UGT2B17: variants seen among roughly 807,000 people sequenced by gnomAD.
UGT2B17 encodes UDP glucuronosyltransferase family 2 member B17, also known as UDP-glucuronosyltransferase 2B17.
UGT2B17 carries 21 observed loss-of-function variants against 48.2 expected under a neutral mutation model. That is an observed-to-expected ratio of 0.44 (90% CI 0.31 to 0.63). The LOEUF (loss-of-function observed/expected upper bound fraction) is 0.63, where lower values mean the gene tolerates loss of function less well. Among genes scored for constraint, UGT2B17 ranks in the 20% least tolerant of loss-of-function variants. UGT2B17 has a pLI of 0.08. For synonymous variants in UGT2B17, 146 were observed against 238.4 expected, an observed-to-expected ratio of 0.61 and a Z score of 3.57; for missense variants, 402 against 696.1, an observed-to-expected ratio of 0.58 and a Z score of 4.75.
chr4:68,566,141 G>T (rs1731198099), intron 2 of UGT2B17, among the ~76,000 whole-genome samples: 2 of 114,656 alleles, frequency 1.7e-5, no homozygotes, highest in South Asian at 4.0e-4. Flanking sequence ...ATATTTAATA[G>T]TTTTAATTTA....
At position 68,561,760 on chromosome 4, in the gene UGT2B17, C is replaced by T. The variant is rs531735682; in HGVS notation, c.874-1092G>A. On this transcript the variant is annotated intron_variant, in intron 3 of 6. Coordinates refer to ENST00000317746, the MANE Select transcript of UGT2B17 (RefSeq NM_001077.4). ...TTAAACTTAAATCCATTCTCTAATG[C>T]CACATCAGTCAATGTATTCTCACAC... is the stretch of plus-strand genomic sequence containing the variant. Among the ~76,000 whole-genome samples, 3 of 115,520 alleles carry T rather than the reference C, an allele frequency of 2.6e-5. 1 individual carries two copies. In the Admixed American group the frequency reaches 2.7e-4, roughly 11 times the overall value. 75.8% of individuals were successfully genotyped at this position (115,520 alleles called of 152,430 possible).
At chr4:68,563,025 GT>G (rs1202510702) in intron 3 of UGT2B17, among the ~76,000 whole-genome samples, 1 of 126,294 alleles carries the variant, frequency 7.9e-6, no homozygotes, top group Non-Finnish European at 1.7e-5. Context: ...TATTTCCAGA[GT>G]TTTTTAACGA....
At position 68,561,564 on chromosome 4, in the gene UGT2B17, C is replaced by G. The variant is rs1252144912; in HGVS notation, c.874-896G>C. The stretch of plus-strand genomic sequence containing the variant: ...CTCATCCTCACTTTGCTGTGTCTCA[C>G]AGGGGGCACTTGAACCACAGTGGGA... On this transcript the variant is annotated intron_variant, in intron 3 of 6. Coordinates refer to ENST00000317746, the MANE Select transcript of UGT2B17 (RefSeq NM_001077.4). Among the ~76,000 whole-genome samples, 2 of 123,878 alleles carry G rather than the reference C, an allele frequency of 1.6e-5. 1 individual carries two copies. Among genetic ancestry groups the G allele is most frequent in the Non-Finnish European group, 3.4e-5 (2 of 58,988 alleles). The allele number at this position is 123,878 out of a possible 152,430, so 81.3% of individuals were successfully genotyped here. A position where few individuals can be genotyped will look rare whatever the true frequency, so the allele number is the denominator to read the frequency against.
At chr4:68,551,508 A>G (rs1281802610) in intron 5 of UGT2B17, among the ~76,000 whole-genome samples, 1 of 124,344 alleles carries the variant, frequency 8.0e-6, no homozygotes, top group Non-Finnish European at 1.7e-5. Context: ...GCAGTAGGGG[A>G]AGGAACAGAT....
In UGT2B17 at chr4:68,576,111, C is replaced by T. The variant is rs1731370483; in HGVS notation, c.-225G>A. ...CTTTGGATCTCATCACTCAGGCTGC[C>T]CGGAGTACCCCACAGGGATGCTCCA... On this transcript the variant is annotated 5_prime_UTR_variant, in exon 1 of 7. Transcript: ENST00000317746. Among the ~76,000 whole-genome samples, 1 of 124,814 alleles carries T rather than the reference C, an allele frequency of 8.0e-6. No homozygotes were observed. Among genetic ancestry groups the T allele is most frequent in the Non-Finnish European group, 1.7e-5 (1 of 59,098 alleles). The allele number at this position is 124,814 out of a possible 152,430, so 81.9% of individuals were successfully genotyped here. A position where few individuals can be genotyped will look rare whatever the true frequency, so the allele number is the denominator to read the frequency against.
intron 6 of UGT2B17, among the ~76,000 whole-genome samples, chr4:68,545,035 G>T (rs1730768871): frequency 8.0e-6 from 1 of 124,884 alleles, no homozygotes; most frequent in Non-Finnish European, 1.7e-5. Flanking sequence ...AGTTAACAAG[G>T]ATATCCAAGA....
Position 68,540,850 on chromosome 4 carries a change from G to A in UGT2B17, c.1314-2946C>T, listed in dbSNP as rs1354734725. ...GTTTTGCTCCCCTCCCTGAGTCCATGTATTCTCATTTTTCGACTCCCTCTT... is the reference window on the plus strand; with the variant it reads ...GTTTTGCTCCCCTCCCTGAGTCCATATATTCTCATTTTTCGACTCCCTCTT... On this transcript the variant is annotated intron_variant, in intron 6 of 6. Transcript: ENST00000317746. Among the ~76,000 whole-genome samples, 21 of 124,710 alleles carry A rather than the reference G, an allele frequency of 1.7e-4. 5 individuals are homozygous for A. Among genetic ancestry groups the A allele is most frequent in the African/African-American group, 4.9e-4 (18 of 36,496 alleles). The allele number at this position is 124,710 out of a possible 152,430, so 81.8% of individuals were successfully genotyped here. A position where few individuals can be genotyped will look rare whatever the true frequency, so the allele number is the denominator to read the frequency against.
At chr4:68,573,775 G>A (rs1731329007) in intron 1 of UGT2B17, among the ~76,000 whole-genome samples, 1 of 126,514 alleles carries the variant, frequency 7.9e-6, no homozygotes, top group Non-Finnish European at 1.7e-5. Context: ...TGATTGATAA[G>A]CTCTTGAAAA....
intron 3 of UGT2B17, among the ~76,000 whole-genome samples, chr4:68,564,940 C>A (rs1731171237): frequency 8.0e-6 from 1 of 124,770 alleles, no homozygotes; most frequent in African/African-American, 2.7e-5. Flanking sequence ...ACTCCTGAGC[C>A]CAAGCAATCG....
At chr4:68,547,954 A>G (rs1447335855) in intron 6 of UGT2B17, among the ~76,000 whole-genome samples, 1 of 126,792 alleles carries the variant, frequency 7.9e-6, no homozygotes, top group Non-Finnish European at 1.7e-5. Context: ...ATGGAGAAAT[A>G]GGAACACTTT....
At chr4:68,565,316 C>T (rs1731177470) in intron 3 of UGT2B17, among the ~76,000 whole-genome samples, 1 of 126,252 alleles carries the variant, frequency 7.9e-6, no homozygotes, top group Admixed American at 8.1e-5. Flanking sequence ...ACCATACTAT[C>T]TTGTGGGTTG....
chr4:68,545,705 C>T (rs1423147362), intron 6 of UGT2B17, among the ~76,000 whole-genome samples: 1 of 124,672 alleles, frequency 8.0e-6, no homozygotes, highest in Non-Finnish European at 1.7e-5. Context: ...AAAAGAGAGA[C>T]GAATCAAATA....
At chr4:68,550,562 G>T in intron 6 of UGT2B17, 115 bp downstream of exon 6, 1 of 827,058 alleles carries the variant, frequency 1.2e-6, no homozygotes, top group South Asian at 4.0e-5. Flanking sequence ...TTTTACATTG[G>T]TTAAATCACT....
In UGT2B17 at chr4:68,549,804, A is replaced by G. The variant is rs1377229585; in HGVS notation, c.1313+873T>C. Among the ~76,000 whole-genome samples, 2 of 126,014 alleles carry G rather than the reference A, an allele frequency of 1.6e-5. 1 individual carries two copies. The highest frequency in any genetic ancestry group is 3.4e-5 in the Non-Finnish European group (2 of 59,444). 82.7% of individuals were successfully genotyped at this position (126,014 alleles called of 152,430 possible). On this transcript the variant is annotated intron_variant, in intron 6 of 6. Coordinates refer to ENST00000317746, the MANE Select transcript of UGT2B17 (RefSeq NM_001077.4). ...AAGTCCACTCCTAGCCTCTCCTCAA[A>G]AGAAGTAAAAACATATTTTTACACA...
At chr4:68,559,679 T>A (rs1251019106) in intron 4 of UGT2B17, among the ~76,000 whole-genome samples, 1 of 125,788 alleles carries the variant, frequency 7.9e-6, no homozygotes, top group Non-Finnish European at 1.7e-5. Flanking sequence ...AAATTGAAAA[T>A]ACACAAAGAT....
At position 68,568,001 on chromosome 4, in the gene UGT2B17, C is replaced by T; in HGVS notation, c.484G>A (p.Ala162Thr). The change falls in exon 2 of 7, where the codon GCT (alanine) becomes ACT (threonine). Residue 162 changes from alanine to threonine, a missense_variant. Physicochemically the swap from Ala to Thr is moderately conservative, Grantham distance 58. Around this residue, in one of 5 missense-constraint regions of UGT2B17, gnomAD observed 84 missense variants for 92.6 expected, o/e 0.91. Coordinates refer to ENST00000317746, the MANE Select transcript of UGT2B17 (RefSeq NM_001077.4). Reference sequence around the variant, plus strand: ...AGAAAGGGTATGTTAAGTAGCTCAGCCAGCAGCTCACCACAGGGATTAACG... The same window carrying T: ...AGAAAGGGTATGTTAAGTAGCTCAGTCAGCAGCTCACCACAGGGATTAACG... ...DAVNPCGELL[A>T]ELLNIPFLYS... 4 of 1,382,176 alleles carry T rather than the reference C, an allele frequency of 2.9e-6. 1 individual carries two copies. The highest frequency in any genetic ancestry group is 3.8e-6 in the Non-Finnish European group (4 of 1,055,380). The allele number at this position is 1,382,176 out of a possible 1,614,324, so 85.6% of individuals were successfully genotyped here. A position where few individuals can be genotyped will look rare whatever the true frequency, so the allele number is the denominator to read the frequency against.
intron 6 of UGT2B17, among the ~76,000 whole-genome samples, chr4:68,549,371 C>A (rs1730875612): frequency 8.2e-6 from 1 of 122,622 alleles, no homozygotes; most frequent in East Asian, 7.7e-4. Flanking sequence ...ATCTATCTGC[C>A]CATAGTGGAA....
intron 4 of UGT2B17, among the ~76,000 whole-genome samples, chr4:68,552,449 T>C (rs917962968): frequency 7.9e-6 from 1 of 126,306 alleles, no homozygotes; most frequent in African/African-American, 2.7e-5. Context: ...CCATCTTATA[T>C]AAGTTGATTG....
intron 4 of UGT2B17, among the ~76,000 whole-genome samples, chr4:68,552,855 G>A (rs1466513407): frequency 1.7e-5 from 2 of 118,972 alleles, no homozygotes; most frequent in African/African-American, 2.9e-5. Flanking sequence ...ATTTTTTTTT[G>A]GAGTTTTACT....
Sources: gnomAD v4.1 joint callset for allele counts (sites outside exome capture counted in the v4.1 genomes callset) on GRCh38, gnomAD v4.1.1 for gene constraint, gnomAD v4.1.1 regional missense constraint, MANE v1.5 for transcripts, NCBI Gene and HGNC (gene_info 2026-07-23, HGNC 2026-07-21) for gene names.